The following RNF17 variants were observed in gnomAD, a reference collection of about 807,000 sequenced individuals.
RNF17 encodes ring finger protein 17.
Under a neutral mutation model 200.5 loss-of-function variants are expected in RNF17, and 31 were observed. The observed-to-expected ratio is 0.15, with a 90% CI of 0.12 to 0.21. The LOEUF is 0.21. Ranked by LOEUF, RNF17 falls within the 10% of genes least tolerant of loss-of-function variation. The pLI, the probability that RNF17 is intolerant of heterozygous loss-of-function variation, is 1.00. For synonymous variants in RNF17, 606 were observed against 637.8 expected (o/e 0.95, Z 0.75); for missense variants, 1,628 against 1,905.1 (o/e 0.85, Z 2.71).
rs1566113539 is a variant in RNF17 at position 24,771,352 on chromosome 13, G to GTTA, written c.226-3461_226-3460insTTA. On this transcript the variant is annotated intron_variant, in intron 2 of 35. Coordinates refer to ENST00000255324, the MANE Select transcript of RNF17 (RefSeq NM_031277.3). ...TTTTTTTTTTTTTTTTTTTTTTTTG[G>GTTA]AAGAGGTGAATCCTTGCTATGTGGC... Among the ~76,000 whole-genome samples the GTTA allele has an allele frequency of 2.1e-3, 145 of 68,126 alleles. 1 individual carries two copies. The highest frequency in any genetic ancestry group is 9.6e-3 in the Middle Eastern group (1 of 104). The allele number at this position is 68,126 out of a possible 152,430, so 44.7% of individuals were successfully genotyped here.
At chr13:24,807,897 T>C (rs1886088015) in intron 15 of RNF17, among the ~76,000 whole-genome samples, 1 of 151,554 alleles carries the variant, frequency 6.6e-6, no homozygotes, top group African/African-American at 2.4e-5. Context: ...ATTTATTAAA[T>C]AGGGAATCCT....
Position 24,852,293 on chromosome 13 carries a change from C to G in RNF17, c.3320+722C>G, listed in dbSNP as rs151269339. On this transcript the variant is annotated intron_variant, in intron 24 of 35. Transcript: ENST00000255324. Reference sequence around the variant, plus strand: ...AGCTGGGACTACAGGTGGCCGCCACCTCGCCTGGCTAATTTTTTGTATTTT... The same window carrying G: ...AGCTGGGACTACAGGTGGCCGCCACGTCGCCTGGCTAATTTTTTGTATTTT... Among the ~76,000 whole-genome samples the G allele has an allele frequency of 2.7e-3, 414 of 152,222 alleles. 5 individuals are homozygous for G. The highest frequency in any genetic ancestry group is 9.6e-3 in the African/African-American group (399 of 41,532).
chr13:24,825,558 A>T, intron 15 of RNF17, 61 bp from the exon 16 acceptor site: 1 of 1,109,036 alleles, frequency 9.0e-7, no homozygotes, highest in Admixed American at 2.2e-5. Context: ...CTTGTAATTC[A>T]TTCAACACTT....
At chr13:24,827,415 C>T (rs1316495983) in intron 16 of RNF17, among the ~76,000 whole-genome samples, 2 of 152,056 alleles carry the variant, frequency 1.3e-5, no homozygotes, top group Non-Finnish European at 2.9e-5. Context: ...TGGTTAGTGA[C>T]TTGAACTAAC....
At chr13:24,788,943 C>A (rs1389728779) in intron 7 of RNF17, among the ~76,000 whole-genome samples, 1 of 152,066 alleles carries the variant, frequency 6.6e-6, no homozygotes, top group Non-Finnish European at 1.5e-5. Context: ...GTGTCCCAGG[C>A]TTTAGTTCTA....
At chr13:24,763,209 T>G (rs1309777258), upstream of RNF17, among the ~76,000 whole-genome samples, 1 of 151,194 alleles carries the variant, frequency 6.6e-6, no homozygotes, top group East Asian at 1.9e-4. Flanking sequence ...CAACTCTTTT[T>G]TTTTTTTTTT....
At chr13:24,759,960 G>T (rs961499587), upstream of RNF17, among the ~76,000 whole-genome samples, 4 of 152,078 alleles carry the variant, frequency 2.6e-5, no homozygotes, top group Non-Finnish European at 4.4e-5. Context: ...GGCCAACATG[G>T]TGAAACCCCT....
chr13:24,753,573 C>A, the RNF17 span, among the ~76,000 whole-genome samples: 1 of 152,086 alleles, frequency 6.6e-6, no homozygotes, highest in Non-Finnish European at 1.5e-5. Flanking sequence ...GAGATGGAGG[C>A]AATTCTAGGC....
chr13:24,834,286 G>A (rs1367391986), intron 18 of RNF17, among the ~76,000 whole-genome samples: 6 of 152,058 alleles, frequency 3.9e-5, no homozygotes, highest in Non-Finnish European at 5.9e-5. Flanking sequence ...ATGGTGGCAC[G>A]CACCTGTTAC....
chr13:24,763,227 C>G (rs1391611694), upstream of RNF17, among the ~76,000 whole-genome samples: 1 of 146,692 alleles, frequency 6.8e-6, no homozygotes, highest in Non-Finnish European at 1.5e-5. Flanking sequence ...TTTTGAGACG[C>G]AGTCTCGCTC....
At chr13:24,867,897 T>G (rs1231307648) in intron 30 of RNF17, among the ~76,000 whole-genome samples, 1 of 90,742 alleles carries the variant, frequency 1.1e-5, no homozygotes, top group African/African-American at 3.1e-5. Flanking sequence ...TTAGAAGTAC[T>G]TATTCTTAAA....
At chr13:24,824,047 T>C in intron 15 of RNF17, 1 of 583,460 alleles carries the variant, frequency 1.7e-6, no homozygotes, top group South Asian at 2.5e-5. Context: ...AGAACTGGAC[T>C]GCCACTGCTT....
At chr13:24,789,524 C>T (rs1042215653) in intron 8 of RNF17, 100 bp downstream of exon 8, 7 of 1,021,192 alleles carry the variant, frequency 6.9e-6, no homozygotes, top group Non-Finnish European at 1.0e-5. Context: ...AATTTTGGGT[C>T]ACAAATGTTT....
At position 24,866,175 on chromosome 13, in the gene RNF17, A is replaced by T; in HGVS notation, c.4133A>T (p.Glu1378Val). Reference protein sequence around the residue: ...KPRSDHDKKYEEEQWEIRFEE... With the variant: ...KPRSDHDKKYVEEQWEIRFEE... ...AGATCAGATCATGATAAAAAGTATG[A>T]AGAGGAACAATGGGAAATAAGGTTT... The change falls in exon 30 of 36, where the codon GAA becomes GTA. Residue 1378 changes from glutamate to valine, a missense_variant. Coordinates refer to ENST00000255324, the MANE Select transcript of RNF17 (RefSeq NM_031277.3). 1 of 1,560,354 alleles carries T rather than the reference A, an allele frequency of 6.4e-7. No individual in the cohort carries two copies. Among genetic ancestry groups the T allele is most frequent in the Non-Finnish European group, 8.8e-7 (1 of 1,134,154 alleles).
At chr13:24,877,229 G>A (rs1477161947) in intron 34 of RNF17, 43 bp downstream of exon 34, 3 of 1,516,770 alleles carry the variant, frequency 2.0e-6, no homozygotes, top group South Asian at 2.3e-5. Context: ...AGCTATTTCT[G>A]TGTCGATACT....
the RNF17 span, chr13:24,886,401 G>A: frequency 1.6e-6 from 2 of 1,278,114 alleles, no homozygotes; most frequent in Non-Finnish European, 2.0e-6. Flanking sequence ...AGACAGGAAT[G>A]GTTCCATTAC....
At chr13:24,847,354 T>A (rs201268802) in intron 22 of RNF17, among the ~76,000 whole-genome samples, 24,020 of 150,440 alleles carry the variant, frequency 0.16, 2,017 homozygotes, top group South Asian at 0.29. Context: ...TATTTATTTT[T>A]TTTTTTTTTG....
intron 3 of RNF17, among the ~76,000 whole-genome samples, chr13:24,777,229 T>C (rs1450147772): frequency 6.6e-6 from 1 of 152,230 alleles, no homozygotes; most frequent in Non-Finnish European, 1.5e-5. Flanking sequence ...GAATATTCAC[T>C]TTTCAAAGAA....
In RNF17 at chr13:24,826,798, C is replaced by T. The variant is rs191629363; in HGVS notation, c.2245+1026C>T. 2.7e-3 allele frequency among the ~76,000 whole-genome samples: 395 copies of T among 148,752 alleles called. 1 individual carries two copies. The highest frequency in any genetic ancestry group is 4.8e-3 in the Non-Finnish European group (321 of 67,422). On this transcript the variant is annotated intron_variant, in intron 16 of 35. Transcript: ENST00000255324. ...AAAAAAGGCCGGGTGCGGTGGCTCACGCCTGTAATCCCAGCACTTTGGGAG... is the reference window on the plus strand; with the variant it reads ...AAAAAAGGCCGGGTGCGGTGGCTCATGCCTGTAATCCCAGCACTTTGGGAG...
Sources: allele counts gnomAD v4.1 joint callset (sites outside exome capture counted in the v4.1 genomes callset), GRCh38; gene constraint gnomAD v4.1.1; transcripts MANE v1.5; gene names NCBI Gene and HGNC (gene_info 2026-07-23, HGNC 2026-07-21).